Variants in PKD1L3 observed in about 807,000 individuals in gnomAD.
PKD1L3 encodes polycystin 1 like 3, transient receptor potential channel interacting, also known as polycystin-1-like protein 3.
Under a neutral mutation model 184.1 loss-of-function variants are expected in PKD1L3, and 239 were observed. The observed-to-expected ratio is 1.30, with a 90% CI of 1.17 to 1.45. PKD1L3 has a LOEUF of 1.45. Ranked by LOEUF, PKD1L3 falls within the 40% of genes most tolerant of loss-of-function variation. The pLI is 0.00. For synonymous variants in PKD1L3, 996 were observed against 778.8 expected, an observed-to-expected ratio of 1.28 and a Z score of -4.64; for missense variants, 2,660 against 2,067.2, an observed-to-expected ratio of 1.29 and a Z score of -5.56.
intron 4 of PKD1L3, among the ~76,000 whole-genome samples, chr16:71,988,079 T>TTC (rs34751865): frequency 0.93 from 140,860 of 152,182 alleles, 65,355 homozygotes; most frequent in East Asian, 1. Context: ...ATGATTTCAC[T>TTC]TGTTTTCACG....
At chr16:71,964,390 G>A (rs1480456598) in intron 15 of PKD1L3, among the ~76,000 whole-genome samples, 3 of 122,228 alleles carry the variant, frequency 2.5e-5, no homozygotes, top group Non-Finnish European at 4.8e-5. Context: ...ACAGGCTGGA[G>A]TGCAGTGGTG....
intron 11 of PKD1L3, among the ~76,000 whole-genome samples, chr16:71,974,009 A>T (rs964994298): frequency 3.4e-5 from 1 of 29,196 alleles, no homozygotes; most frequent in Admixed American, 2.6e-4. Context: ...CTCAAAAAAA[A>T]AAAAAAATAT....
At chr16:71,978,504 TATATATATATATATATAC>T (rs1418275788) in intron 9 of PKD1L3, 121 bp from the exon 10 acceptor site, 5 of 136,850 alleles carry the variant, frequency 3.7e-5, no homozygotes, top group Non-Finnish European at 6.6e-5. Context: ...TGTATATATA[TATATATATATATATATAC>T]ATACATACAT....
chr16:71,985,320 G>A (rs1004581655), intron 5 of PKD1L3, among the ~76,000 whole-genome samples: 16 of 152,204 alleles, frequency 1.1e-4, no homozygotes, highest in African/African-American at 3.6e-4. Context: ...GTTTTAGCAG[G>A]GAAATGTTCA....
In PKD1L3 at chr16:71,980,075, T is replaced by A. The variant is rs772822488; in HGVS notation, c.1203A>T (p.Leu401=). The change falls in exon 8 of 30, where the codon CTA becomes CTT. Residue 401 remains leucine, a synonymous_variant. Transcript: ENST00000620267. ...VEFGNIGEAF[L]EQNQSPESSV... Reference sequence around the variant, plus strand: ...AAGACTCGGGAGACTGGTTCTGCTCTAGAAATGCTTCCCCGATATTCCCAA... The same window carrying A: ...AAGACTCGGGAGACTGGTTCTGCTCAAGAAATGCTTCCCCGATATTCCCAA... 81 of 1,551,708 alleles carry A rather than the reference T, an allele frequency of 5.2e-5. No homozygotes were observed. Among genetic ancestry groups the A allele is most frequent in the Admixed American group, 4.3e-4 (22 of 50,976 alleles).
intron 28 of PKD1L3, among the ~76,000 whole-genome samples, chr16:71,931,969 C>T (rs1272468008): frequency 6.6e-6 from 1 of 152,140 alleles, no homozygotes; most frequent in African/African-American, 2.4e-5. Context: ...CATCCTCACT[C>T]CTGAGCTCAA....
intron 18 of PKD1L3, 78 bp from the exon 19 acceptor site, chr16:71,951,822 C>T: frequency 7.5e-7 from 1 of 1,326,864 alleles, no homozygotes; most frequent in East Asian, 2.5e-5. Flanking sequence ...GGTGGTAAGG[C>T]CGTTCCCTTT....
intron 16 of PKD1L3, among the ~76,000 whole-genome samples, chr16:71,954,517 A>C (rs556339666): frequency 2.6e-5 from 4 of 152,286 alleles, no homozygotes; most frequent in African/African-American, 9.6e-5. Context: ...TTGTTGTTTT[A>C]GGATAAAAGG....
chr16:71,999,270 C>CA (rs371727093), intron 1 of PKD1L3, among the ~76,000 whole-genome samples: 39,135 of 102,146 alleles, frequency 0.38, 6,310 homozygotes, highest in East Asian at 0.7. Flanking sequence ...GACTCCATCT[C>CA]AAAAAAAAAA....
intron 16 of PKD1L3, among the ~76,000 whole-genome samples, chr16:71,962,669 T>G (rs1227677503): frequency 1.3e-5 from 2 of 151,876 alleles, no homozygotes; most frequent in Non-Finnish European, 2.9e-5. Context: ...GTATTTTTAG[T>G]AGGTCTTGCT....
intron 12 of PKD1L3, among the ~76,000 whole-genome samples, chr16:71,970,999 G>T (rs1298246275): frequency 6.6e-6 from 1 of 152,132 alleles, no homozygotes; most frequent in Non-Finnish European, 1.5e-5. Flanking sequence ...TCTCCAGAAT[G>T]TCAGTTCATG....
At chr16:71,990,225 G>C in intron 4 of PKD1L3, 55 bp downstream of exon 4, 2 of 1,401,028 alleles carry the variant, frequency 1.4e-6, no homozygotes, top group South Asian at 2.5e-5. Context: ...AGATCTACTA[G>C]GTATGACAAA....
At chr16:71,986,575 T>A in intron 4 of PKD1L3, 106 bp from the exon 5 acceptor site, 1 of 1,256,022 alleles carries the variant, frequency 8.0e-7, no homozygotes, top group Non-Finnish European at 1.1e-6. Flanking sequence ...TATGAGATAC[T>A]AATAGGCATT....
chr16:71,935,903 C>G (rs2038159121), intron 25 of PKD1L3, among the ~76,000 whole-genome samples: 1 of 152,104 alleles, frequency 6.6e-6, no homozygotes, highest in South Asian at 2.1e-4. Context: ...TCAAGCAGTC[C>G]TCCTACCTCA....
chr16:71,947,211 C>G (rs942311974), intron 22 of PKD1L3, among the ~76,000 whole-genome samples: 1 of 152,050 alleles, frequency 6.6e-6, no homozygotes, highest in African/African-American at 2.4e-5. Context: ...GAGCTGAGAA[C>G]ACATCATTGC....
chr16:71,989,299 C>T (rs540935147), intron 4 of PKD1L3, among the ~76,000 whole-genome samples: 17 of 152,262 alleles, frequency 1.1e-4, no homozygotes, highest in Admixed American at 3.3e-4. Context: ...GGATTACAGG[C>T]GCTCCACCAA....
rs1316043739 is a variant in PKD1L3, at chr16:71,963,240, G to C, written c.2577C>G (p.Phe859Leu). 11 of 1,551,156 alleles carry C rather than the reference G, an allele frequency of 7.1e-6. 1 individual carries two copies. The highest frequency in any genetic ancestry group is 8.7e-6 in the Non-Finnish European group (10 of 1,146,712). ...AGAGCTCTCTCTTTGAAACTGGGATGAAGACCCGGTCAAGCTCACAGTCTC... is the reference window on the plus strand; with the variant it reads ...AGAGCTCTCTCTTTGAAACTGGGATCAAGACCCGGTCAAGCTCACAGTCTC... ...DLGDCELDRV[F>L]IPVSKRELFS... Residue 859 changes from phenylalanine (F) to leucine (L), a missense_variant, in exon 16 of 30, where the codon TTC (phenylalanine) becomes TTG (leucine). Phe to Leu is a conservative substitution (Grantham distance 22, BLOSUM62 0). Transcript: ENST00000620267.
At chr16:71,965,656 C>T (rs1223947261) in intron 15 of PKD1L3, among the ~76,000 whole-genome samples, 1 of 151,748 alleles carries the variant, frequency 6.6e-6, no homozygotes, top group Non-Finnish European at 1.5e-5. Flanking sequence ...CAGGTTCAAG[C>T]AATTCTCCTG....
At chr16:71,982,481 C>G (rs2040200543) in intron 6 of PKD1L3, among the ~76,000 whole-genome samples, 1 of 152,006 alleles carries the variant, frequency 6.6e-6, no homozygotes, top group Non-Finnish European at 1.5e-5. Context: ...GATGGAGTTT[C>G]TCCATGTTGG....
Sources: allele counts gnomAD v4.1 joint callset (sites outside exome capture counted in the v4.1 genomes callset), GRCh38; gene constraint gnomAD v4.1.1; transcripts MANE v1.5; gene names NCBI Gene and HGNC (gene_info 2026-07-23, HGNC 2026-07-21).